WWOX: variants seen among roughly 807,000 people sequenced by gnomAD.
WWOX encodes the protein WW domain-containing oxidoreductase.
Under a neutral mutation model 46.2 loss-of-function variants are expected in WWOX, and 69 were observed. The observed-to-expected ratio is 1.49, with a 90% CI of 1.23 to 1.82. The LOEUF (loss-of-function observed/expected upper bound fraction) is 1.82. Ranked by LOEUF, WWOX falls within the 40% of genes most tolerant of loss-of-function variation. The pLI is 0.00. For synonymous variants in WWOX, 359 were observed against 202.6 expected (o/e 1.77, Z -6.56); for missense variants, 919 against 542.6 (o/e 1.69, Z -6.89).
chr16:79,028,243 C>T (rs1436176595), intron 8 of WWOX, among the ~76,000 whole-genome samples: 1 of 151,830 alleles, frequency 6.6e-6, no homozygotes, highest in East Asian at 1.9e-4. Flanking sequence ...GCCACCACGC[C>T]CGACTGCTTT....
At chr16:78,947,376 C>T (rs891577027) in intron 8 of WWOX, among the ~76,000 whole-genome samples, 1 of 151,438 alleles carries the variant, frequency 6.6e-6, no homozygotes, top group Non-Finnish European at 1.5e-5. Context: ...TTTTCTCTTC[C>T]CCCCCTTAGC....
At chr16:78,573,280 C>T (rs926484026) in intron 8 of WWOX, among the ~76,000 whole-genome samples, 5 of 152,162 alleles carry the variant, frequency 3.3e-5, no homozygotes, top group African/African-American at 7.2e-5. Flanking sequence ...AGCGTGACTC[C>T]ATCTCAAAAC....
At chr16:78,858,214 T>G (rs1005578476) in intron 8 of WWOX, among the ~76,000 whole-genome samples, 1 of 148,552 alleles carries the variant, frequency 6.7e-6, no homozygotes, top group Non-Finnish European at 1.5e-5. Flanking sequence ...TTCAATCGTT[T>G]TAGGGGTAAA....
intron 8 of WWOX, among the ~76,000 whole-genome samples, chr16:79,096,370 TC>T (rs2049074003): frequency 6.6e-6 from 1 of 151,948 alleles, no homozygotes; most frequent in Middle Eastern, 3.2e-3. Flanking sequence ...TCCTCTCCCT[TC>T]CCCCATTGGC....
chr16:78,354,786 G>T (rs1475615807), intron 5 of WWOX, among the ~76,000 whole-genome samples: 1 of 151,946 alleles, frequency 6.6e-6, no homozygotes, highest in Non-Finnish European at 1.5e-5. Flanking sequence ...TTTCTAGATG[G>T]CCTGTCTTTA....
rs149484741 is a variant in WWOX at position 78,822,498 on chromosome 16, G to C, written c.1057-389110G>C. 6.7e-3 allele frequency among the ~76,000 whole-genome samples: 1,016 copies of C among 151,862 alleles called. 5 individuals carry two copies. Among genetic ancestry groups the C allele is most frequent in the African/African-American group, 0.023 (954 of 41,402 alleles). ...GACAGAGCCGAGACTCTGTCTCAAA[G>C]AAAAACAAAAACAAAAACAAACAAA... On this transcript the variant is annotated intron_variant, in intron 8 of 8. Transcript: ENST00000566780.
At chr16:78,349,747 C>T (rs9646317) in intron 5 of WWOX, among the ~76,000 whole-genome samples, 94,879 of 119,072 alleles carry the variant, frequency 0.8, 43,491 homozygotes, top group African/African-American at 0.96. Flanking sequence ...GCAGGTGTCA[C>T]CGATGAAACA....
At chr16:78,672,928 T>G (rs2194340) in intron 8 of WWOX, among the ~76,000 whole-genome samples, 1 of 152,104 alleles carries the variant, frequency 6.6e-6, no homozygotes, top group African/African-American at 2.4e-5. Context: ...CCTTCGTCTC[T>G]CTGGCGGTGA....
chr16:79,026,881 A>C (rs1192958573), intron 8 of WWOX, among the ~76,000 whole-genome samples: 1 of 149,352 alleles, frequency 6.7e-6, no homozygotes, highest in African/African-American at 2.5e-5. Context: ...TGCCCACCTC[A>C]GCCTCCCAAA....
chr16:79,090,282 T>C (rs1328131001), intron 8 of WWOX, among the ~76,000 whole-genome samples: 7 of 87,610 alleles, frequency 8.0e-5, no homozygotes, highest in Admixed American at 1.1e-4. Context: ...ACTGTGTGCG[T>C]GTGTGTGTGT....
chr16:78,936,821 C>T (rs1277882022), intron 8 of WWOX, among the ~76,000 whole-genome samples: 5 of 152,130 alleles, frequency 3.3e-5, no homozygotes, highest in Non-Finnish European at 7.3e-5. Flanking sequence ...TTTAATCCAT[C>T]GCTGTCAGGC....
chr16:78,691,197 C>G (rs1011386371), intron 8 of WWOX: 3 of 701,620 alleles, frequency 4.3e-6, no homozygotes, highest in Non-Finnish European at 7.8e-6. Flanking sequence ...GATGTAGGTC[C>G]AGCGCCTAGA....
At chr16:79,129,127 A>C (rs530072392) in intron 8 of WWOX, among the ~76,000 whole-genome samples, 7 of 152,194 alleles carry the variant, frequency 4.6e-5, no homozygotes, top group African/African-American at 1.7e-4. Context: ...GTAGTTATAA[A>C]ATGTTGCCTC....
intron 1 of WWOX, among the ~76,000 whole-genome samples, chr16:78,102,658 C>G (rs567423516): frequency 3.3e-5 from 5 of 152,308 alleles, no homozygotes; most frequent in African/African-American, 7.2e-5. Flanking sequence ...CTGTGGGTGT[C>G]CCCTCGACCT....
chr16:78,480,706 G>C (rs914090352), intron 8 of WWOX, among the ~76,000 whole-genome samples: 2 of 152,228 alleles, frequency 1.3e-5, no homozygotes, highest in African/African-American at 4.8e-5. Flanking sequence ...CAGGAATTGT[G>C]TGCAGTATGC....
chr16:78,646,031 C>T (rs1447845678), intron 8 of WWOX, among the ~76,000 whole-genome samples: 2 of 152,066 alleles, frequency 1.3e-5, no homozygotes, highest in African/African-American at 2.4e-5. Flanking sequence ...TTATTTGTGA[C>T]CTTTTAGATC....
chr16:79,104,575 C>CA (rs1305925635), intron 8 of WWOX, among the ~76,000 whole-genome samples: 1 of 152,080 alleles, frequency 6.6e-6, no homozygotes, highest in East Asian at 1.9e-4. Flanking sequence ...AGTATTGATA[C>CA]AAAAATACGC....
chr16:78,266,894 GA>G (rs2079377985), intron 5 of WWOX, among the ~76,000 whole-genome samples: 1 of 147,832 alleles, frequency 6.8e-6, no homozygotes, highest in Admixed American at 6.9e-5. Flanking sequence ...ATCTCAACTT[GA>G]ATTGCATCTC....
At chr16:78,950,240 G>C (rs759962036) in intron 8 of WWOX, among the ~76,000 whole-genome samples, 1 of 152,056 alleles carries the variant, frequency 6.6e-6, no homozygotes. Flanking sequence ...GTTGAATTAC[G>C]GTCTTTAGCT....
Sources: gnomAD v4.1 joint callset for allele counts (sites outside exome capture counted in the v4.1 genomes callset) on GRCh38, gnomAD v4.1.1 for gene constraint, MANE v1.5 for transcripts, NCBI Gene and HGNC (gene_info 2026-07-23, HGNC 2026-07-21) for gene names.